PEBP4: variants seen among roughly 807,000 people sequenced by gnomAD.
The protein encoded by PEBP4 is phosphatidylethanolamine-binding protein 4.
Under a neutral mutation model 23.9 loss-of-function variants are expected in PEBP4, and 22 were observed. The ratio of observed to expected loss-of-function variants is 0.92; its 90% CI spans 0.66 to 1.31. The LOEUF (loss-of-function observed/expected upper bound fraction) is 1.31, where lower values mean the gene tolerates loss of function less well. Ranked by LOEUF, PEBP4 falls within the 40% of genes most tolerant of loss-of-function variation. The pLI is 0.00. For missense variants in PEBP4, 324 were observed against 281.7 expected (o/e 1.15, Z -1.07); for synonymous variants, 112 against 99.3 (o/e 1.13, Z -0.76).
intron 4 of PEBP4, among the ~76,000 whole-genome samples, chr8:22,797,879 T>C (rs928223049): frequency 9.9e-5 from 15 of 152,186 alleles, no homozygotes; most frequent in African/African-American, 3.6e-4. Context: ...CAGAAAGGGC[T>C]GGTGCCAACA....
intron 3 of PEBP4, among the ~76,000 whole-genome samples, chr8:22,836,672 T>C (rs1807211141): frequency 6.6e-6 from 1 of 152,204 alleles, no homozygotes; most frequent in Non-Finnish European, 1.5e-5. Flanking sequence ...CAAATCCTCA[T>C]TGTACTCTGT....
rs963681494 is a variant in PEBP4 at position 22,927,445 on chromosome 8, C to T, written c.131+139G>A. On this transcript the variant is annotated intron_variant, in intron 2 of 6. Transcript: ENST00000256404. ...GTGCCATCCTCCATCAAGGTGGTCT[C>T]CAGATCTGACACGTGTTCTGCCTTC... is the stretch of plus-strand genomic sequence containing the variant. The T allele has an allele frequency of 1.6e-5, 17 of 1,056,608 alleles. No homozygotes were observed. In the African/African-American group the frequency reaches 2.6e-4, roughly 16 times the overall value. The allele number at this position is 1,056,608 out of a possible 1,614,324, so 65.5% of individuals were successfully genotyped here. A position where few individuals can be genotyped will look rare whatever the true frequency, so the allele number is the denominator to read the frequency against.
intron 3 of PEBP4, among the ~76,000 whole-genome samples, chr8:22,919,424 C>T (rs976006561): frequency 2.6e-5 from 4 of 152,176 alleles, no homozygotes; most frequent in African/African-American, 4.8e-5. Flanking sequence ...TCTGCGGGCT[C>T]AGTCTGGCCC....
chr8:22,721,430 T>C lies in PEBP4; in HGVS notation c.517+3413A>G, dbSNP rs145732194. Reference sequence around the variant, plus strand: ...GAATCCTGGGGAGGGTTTCACCTCCTTGGGTCTGAACAATGCCATCCCCAC... The same window carrying C: ...GAATCCTGGGGAGGGTTTCACCTCCCTGGGTCTGAACAATGCCATCCCCAC... On this transcript the variant is annotated intron_variant, in intron 6 of 6. Transcript: ENST00000256404. 4.9e-3 allele frequency among the ~76,000 whole-genome samples: 747 copies of C among 152,216 alleles called. 1 individual carries two copies. Among genetic ancestry groups the C allele is most frequent in the Non-Finnish European group, 7.8e-3 (529 of 67,982 alleles).
chr8:22,860,704 T>G (rs1807762213), intron 3 of PEBP4, among the ~76,000 whole-genome samples: 1 of 152,248 alleles, frequency 6.6e-6, no homozygotes, highest in Admixed American at 6.5e-5. Flanking sequence ...GGAGCTTTCC[T>G]CAAGACCCTC....
chr8:22,937,938 A>G (rs1809561376), intron 1 of PEBP4, among the ~76,000 whole-genome samples: 1 of 152,154 alleles, frequency 6.6e-6, no homozygotes, highest in Non-Finnish European at 1.5e-5. Context: ...ATTAACTCAA[A>G]ATGGATCAAG....
chr8:22,787,727 C>T (rs116996031), intron 4 of PEBP4, among the ~76,000 whole-genome samples: 2,068 of 152,290 alleles, frequency 0.014, 33 homozygotes, highest in African/African-American at 0.038. Flanking sequence ...ACTACTCCTA[C>T]GGCTACGACT....
intron 4 of PEBP4, among the ~76,000 whole-genome samples, chr8:22,749,340 T>C (rs1805196647): frequency 6.6e-6 from 1 of 152,210 alleles, no homozygotes; most frequent in Non-Finnish European, 1.5e-5. Context: ...GCAGCTCTTC[T>C]TGTTTTAGCT....
chr8:22,902,768 T>C (rs1424316475), intron 3 of PEBP4, among the ~76,000 whole-genome samples: 1 of 152,072 alleles, frequency 6.6e-6, no homozygotes, highest in Non-Finnish European at 1.5e-5. Context: ...GCCCTGAGGG[T>C]TCTGCTACAA....
chr8:22,860,373 TA>T (rs1807751368), intron 3 of PEBP4, among the ~76,000 whole-genome samples: 1 of 151,850 alleles, frequency 6.6e-6, no homozygotes, highest in Admixed American at 6.6e-5. Context: ...CTTTACTCAT[TA>T]AACGACTCCC....
intron 2 of PEBP4, among the ~76,000 whole-genome samples, chr8:22,921,901 GAC>G (rs1298831248): frequency 6.6e-6 from 1 of 152,240 alleles, no homozygotes; most frequent in African/African-American, 2.4e-5. Flanking sequence ...AGGGCAGAGA[GAC>G]AGACAGCAAA....
intron 4 of PEBP4, among the ~76,000 whole-genome samples, chr8:22,734,552 TAGG>T (rs1389421739): frequency 6.6e-6 from 1 of 152,208 alleles, no homozygotes; most frequent in Admixed American, 6.5e-5. Context: ...AATATCATCT[TAGG>T]AGATGCCAAT....
intron 3 of PEBP4, among the ~76,000 whole-genome samples, chr8:22,830,606 C>A (rs1013077503): frequency 1.3e-5 from 2 of 152,210 alleles, no homozygotes; most frequent in African/African-American, 4.8e-5. Flanking sequence ...TCACACTCAT[C>A]ATGTCCAACA....
chr8:22,826,609 T>G (rs1464134005), intron 3 of PEBP4, among the ~76,000 whole-genome samples: 1 of 152,316 alleles, frequency 6.6e-6, no homozygotes. Flanking sequence ...AGATCTGATA[T>G]GAAAAGCTCT....
At chr8:22,763,684 G>A (rs1805555406) in intron 4 of PEBP4, among the ~76,000 whole-genome samples, 1 of 152,284 alleles carries the variant, frequency 6.6e-6, no homozygotes, top group Admixed American at 6.5e-5. Context: ...ATTAAGGTTA[G>A]CTATCATTAT....
chr8:22,740,428 C>T lies in PEBP4; in HGVS notation c.358-13208G>A, dbSNP rs541460710. Among the ~76,000 whole-genome samples the T allele has an allele frequency of 7.2e-5, 11 of 152,326 alleles. 1 individual carries two copies. The South Asian group carries it at 2.3e-3, about 32-fold the overall frequency. On this transcript the variant is annotated intron_variant, in intron 4 of 6. Coordinates refer to ENST00000256404, the MANE Select transcript of PEBP4 (RefSeq NM_144962.3). ...CTTATCAGAAATGCAGAATCTCTCT[C>T]AGGCTCAACCCTAGACCCAGTGAAC...
intron 4 of PEBP4, among the ~76,000 whole-genome samples, chr8:22,741,611 A>T (rs1201859794): frequency 6.6e-6 from 1 of 152,106 alleles, no homozygotes; most frequent in Non-Finnish European, 1.5e-5. Context: ...CAGGCAAGTG[A>T]CCCAGCGGAA....
At chr8:22,756,325 A>G (rs1805381176) in intron 4 of PEBP4, among the ~76,000 whole-genome samples, 1 of 152,218 alleles carries the variant, frequency 6.6e-6, no homozygotes, top group African/African-American at 2.4e-5. Flanking sequence ...CCTCCCTGCC[A>G]GAGACCCTTA....
intron 3 of PEBP4, among the ~76,000 whole-genome samples, chr8:22,863,022 G>A (rs954010334): frequency 6.6e-6 from 1 of 151,984 alleles, no homozygotes; most frequent in African/African-American, 2.4e-5. Context: ...GGATGGTCTC[G>A]AGCTCCTGAC....
Sources: gnomAD v4.1 joint callset for allele counts (sites outside exome capture counted in the v4.1 genomes callset) on GRCh38, gnomAD v4.1.1 for gene constraint, MANE v1.5 for transcripts, NCBI Gene and HGNC (gene_info 2026-07-23, HGNC 2026-07-21) for gene names.